Variants in SPATA13 observed in about 807,000 individuals in gnomAD.
SPATA13 encodes the protein spermatogenesis-associated protein 13.
A neutral mutation model predicts 104.0 loss-of-function variants in SPATA13; 50 were observed. The ratio of observed to expected loss-of-function variants is 0.48; its 90% CI spans 0.38 to 0.61. The LOEUF (loss-of-function observed/expected upper bound fraction) is 0.61, where lower values mean the gene tolerates loss of function less well. Ranked by LOEUF, SPATA13 falls within the 20% of genes least tolerant of loss-of-function variation. SPATA13 has a pLI of 0.00. For synonymous variants in SPATA13, 606 were observed against 667.5 expected (o/e 0.91, Z 1.42); for missense variants, 1,524 against 1,690.6 (o/e 0.90, Z 1.73).
rs76650125 is a variant in SPATA13, at chr13:24,178,530, A to G, written c.-112+17598A>G. On this transcript the variant is annotated intron_variant, in intron 1 of 12. Transcript: ENST00000382108. ...GTTATTTACAGTAGTAGTAATAAGT[A>G]CCCTAATAAATGAGCTTACTCTGTG... Among the ~76,000 whole-genome samples the G allele has an allele frequency of 9.2e-5, 14 of 152,314 alleles. No individual in the cohort carries two copies. The East Asian group carries it at 2.7e-3, about 29-fold the overall frequency.
intron 4 of SPATA13, among the ~76,000 whole-genome samples, chr13:24,258,167 A>G (rs933977818): frequency 6.6e-6 from 1 of 151,846 alleles, no homozygotes; most frequent in Non-Finnish European, 1.5e-5. Flanking sequence ...CACGGAAGAT[A>G]GAGGTTGCAG....
In SPATA13 at chr13:24,121,754, G is replaced by T. The variant is rs186980348; in HGVS notation, c.-111-101065G>T. 3.7e-3 allele frequency among the ~76,000 whole-genome samples: 567 copies of T among 152,230 alleles called. 2 individuals carry two copies. The highest frequency in any genetic ancestry group is 0.013 in the African/African-American group (527 of 41,536). The stretch of plus-strand genomic sequence containing the variant: ...TCAGAAAAAGAAAAGCTGCCTTCAT[G>T]ACATCCCCTCGTGTTTCAGATTTCC... On this transcript the variant is annotated intron_variant, in intron 3 of 14. Transcript: ENST00000424834.
chr13:24,029,439 G>A (rs1877378220), intron 3 of SPATA13, among the ~76,000 whole-genome samples: 2 of 152,124 alleles, frequency 1.3e-5, no homozygotes, highest in Admixed American at 1.3e-4. Flanking sequence ...ATTCTCAGGA[G>A]TAGGGTTGCC....
At chr13:24,117,707 C>T (rs1880898548) in intron 3 of SPATA13, among the ~76,000 whole-genome samples, 1 of 152,170 alleles carries the variant, frequency 6.6e-6, no homozygotes, top group South Asian at 2.1e-4. Context: ...AAACTCATTC[C>T]TTTACTCTGA....
intron 3 of SPATA13, among the ~76,000 whole-genome samples, chr13:24,061,494 TA>T: frequency 6.6e-6 from 1 of 152,006 alleles, no homozygotes; most frequent in African/African-American, 2.4e-5. Context: ...TAGACTGGAT[TA>T]AAAAAAATGT....
intron 3 of SPATA13, among the ~76,000 whole-genome samples, chr13:24,086,598 C>A (rs1301098300): frequency 1.3e-5 from 2 of 152,282 alleles, no homozygotes; most frequent in East Asian, 1.9e-4. Flanking sequence ...GAGGCAGAGG[C>A]AGCAAGGATG....
chr13:24,143,766 A>C (rs982354081), intron 3 of SPATA13, among the ~76,000 whole-genome samples: 1 of 152,168 alleles, frequency 6.6e-6, no homozygotes. Context: ...ACTTGATGCC[A>C]TGTCTTGCTA....
At chr13:24,228,669 A>G (rs1246330793) in intron 2 of SPATA13, among the ~76,000 whole-genome samples, 1 of 152,354 alleles carries the variant, frequency 6.6e-6, no homozygotes, top group Non-Finnish European at 1.5e-5. Flanking sequence ...TTGTAGCATT[A>G]CAAAATTAAA....
At chr13:24,123,482 G>T (rs1160100671) in intron 3 of SPATA13, 1 of 1,596,576 alleles carries the variant, frequency 6.3e-7, no homozygotes. Context: ...GTATTTCAGC[G>T]AAAGAGCCAA....
intron 3 of SPATA13, among the ~76,000 whole-genome samples, chr13:24,075,934 A>G (rs1419058790): frequency 6.6e-6 from 1 of 152,202 alleles, no homozygotes; most frequent in East Asian, 1.9e-4. Flanking sequence ...AATTAGGACC[A>G]AAAATAGTCT....
chr13:24,021,773 A>G (rs962060319), intron 3 of SPATA13, among the ~76,000 whole-genome samples: 2 of 151,168 alleles, frequency 1.3e-5, no homozygotes, highest in Admixed American at 6.6e-5. Context: ...GTGCAGCGGC[A>G]TGATCTTGGC....
At chr13:24,121,466 C>T (rs1215619003) in intron 3 of SPATA13, among the ~76,000 whole-genome samples, 4 of 152,102 alleles carry the variant, frequency 2.6e-5, no homozygotes, top group Admixed American at 2.6e-4. Context: ...CAATTCATTT[C>T]CTGATTTTTA....
intron 3 of SPATA13, among the ~76,000 whole-genome samples, chr13:24,140,612 T>C (rs1881733018): frequency 1.3e-5 from 2 of 152,192 alleles, no homozygotes; most frequent in South Asian, 4.1e-4. Context: ...CCTGCTCTTG[T>C]GCGTGTCCTT....
intron 2 of SPATA13, among the ~76,000 whole-genome samples, chr13:24,015,821 T>A (rs1566073199): frequency 6.7e-6 from 1 of 148,322 alleles, no homozygotes; most frequent in East Asian, 2.0e-4. Context: ...TGGTGACACG[T>A]CATAGTCCCC....
intron 3 of SPATA13, among the ~76,000 whole-genome samples, chr13:24,023,781 C>T (rs1331416579): frequency 6.6e-6 from 1 of 152,168 alleles, no homozygotes; most frequent in Non-Finnish European, 1.5e-5. Flanking sequence ...AATTGATACT[C>T]CCTGAGAAGC....
chr13:24,300,817 A>C (rs958064895), intron 12 of SPATA13, among the ~76,000 whole-genome samples: 2 of 152,196 alleles, frequency 1.3e-5, no homozygotes, highest in Non-Finnish European at 2.9e-5. Flanking sequence ...GTCTGAGGCA[A>C]ACCAAGGACT....
intron 4 of SPATA13, among the ~76,000 whole-genome samples, chr13:24,261,776 A>G (rs1874074260): frequency 6.6e-6 from 1 of 150,394 alleles, no homozygotes; most frequent in Admixed American, 6.6e-5. Context: ...CGTGCCCTTA[A>G]AAAAAAAAAC....
chr13:24,140,710 G>A (rs1881735189), intron 3 of SPATA13, among the ~76,000 whole-genome samples: 1 of 152,202 alleles, frequency 6.6e-6, no homozygotes, highest in Non-Finnish European at 1.5e-5. Flanking sequence ...TTAAGTCAAA[G>A]AGCCAAGAAT....
intron 1 of SPATA13, among the ~76,000 whole-genome samples, chr13:24,176,426 A>G (rs1185608825): frequency 6.6e-6 from 1 of 152,202 alleles, no homozygotes; most frequent in Non-Finnish European, 1.5e-5. Context: ...GAAAAGTTGG[A>G]AAATACAGCC....
Sources: gnomAD v4.1 joint callset for allele counts (sites outside exome capture counted in the v4.1 genomes callset) on GRCh38, gnomAD v4.1.1 for gene constraint, MANE v1.5 for transcripts, NCBI Gene and HGNC (gene_info 2026-07-23, HGNC 2026-07-21) for gene names.